DOCK3: variants seen among roughly 807,000 people sequenced by gnomAD.
The protein encoded by DOCK3 is dedicator of cytokinesis 3.
Under a neutral mutation model 265.6 loss-of-function variants are expected in DOCK3, and 60 were observed. That is an observed-to-expected ratio of 0.23 (90% confidence interval 0.18 to 0.28). DOCK3 has a LOEUF of 0.28. Ranked by LOEUF, DOCK3 falls within the 10% of genes least tolerant of loss-of-function variation. The pLI is 1.00. For missense variants in DOCK3, 1,981 were observed against 2,594.3 expected, an observed-to-expected ratio of 0.76 and a Z score of 5.14; for synonymous variants, 881 against 938.0, an observed-to-expected ratio of 0.94 and a Z score of 1.11.
At chr3:50,759,855 TAAA>T (rs55757525) in intron 1 of DOCK3, among the ~76,000 whole-genome samples, 749 of 144,610 alleles carry the variant, frequency 5.2e-3, no homozygotes, top group East Asian at 7.8e-3. Context: ...GAGATATTAT[TAAA>T]AAAAAAAAAA....
At chr3:50,715,396 C>T in intron 1 of DOCK3, among the ~76,000 whole-genome samples, 1 of 151,784 alleles carries the variant, frequency 6.6e-6, no homozygotes, top group African/African-American at 2.4e-5. Flanking sequence ...ACAGAAAATA[C>T]AAAAATTAGC....
intron 27 of DOCK3, among the ~76,000 whole-genome samples, chr3:51,304,916 C>T (rs1043136894): frequency 3.9e-5 from 6 of 152,186 alleles, no homozygotes; most frequent in Non-Finnish European, 7.3e-5. Flanking sequence ...CATCCTCACC[C>T]CTCTGATTTT....
rs557321250 is a variant in DOCK3 at position 51,207,950 on chromosome 3, G to A, written c.1038-824G>A. On this transcript the variant is annotated intron_variant, in intron 12 of 52. Coordinates refer to ENST00000266037, the MANE Select transcript of DOCK3 (RefSeq NM_004947.5). ...ATCTTTTTCCAATTGTTTTATCAAGGTGTCTGTACTAGGATAAGGAATTCC... is the reference window on the plus strand; with the variant it reads ...ATCTTTTTCCAATTGTTTTATCAAGATGTCTGTACTAGGATAAGGAATTCC... 2.0e-5 allele frequency among the ~76,000 whole-genome samples: 3 copies of A among 152,264 alleles called. No individual in the cohort carries two copies. In the East Asian group the frequency reaches 5.8e-4, roughly 29 times the overall value.
chr3:50,811,839 G>C (rs1032799718), intron 2 of DOCK3, among the ~76,000 whole-genome samples: 1 of 152,174 alleles, frequency 6.6e-6, no homozygotes, highest in Admixed American at 6.5e-5. Context: ...AATTGGAATA[G>C]AGAATATTTA....
intron 2 of DOCK3, among the ~76,000 whole-genome samples, chr3:50,797,515 T>C (rs1468752545): frequency 6.6e-6 from 1 of 152,206 alleles, no homozygotes; most frequent in Non-Finnish European, 1.5e-5. Flanking sequence ...GCGCAGCACC[T>C]TTCCAGCTAA....
At chr3:51,323,440 G>A (rs530589731) in intron 32 of DOCK3, among the ~76,000 whole-genome samples, 1 of 152,220 alleles carries the variant, frequency 6.6e-6, no homozygotes, top group South Asian at 2.1e-4. Flanking sequence ...TTCTAAAATT[G>A]ACCACATAAT....
At chr3:50,722,659 G>C (rs779941855) in intron 1 of DOCK3, among the ~76,000 whole-genome samples, 3 of 152,072 alleles carry the variant, frequency 2.0e-5, no homozygotes, top group Non-Finnish European at 4.4e-5. Context: ...AGATGGCCCA[G>C]GTGTTGGAAT....
At chr3:51,287,633 A>C (rs1201046232) in intron 27 of DOCK3, among the ~76,000 whole-genome samples, 1 of 152,222 alleles carries the variant, frequency 6.6e-6, no homozygotes, top group Non-Finnish European at 1.5e-5. Flanking sequence ...AAGTCAAAAA[A>C]TAACAAATGC....
chr3:51,357,699 G>T, intron 44 of DOCK3, 59 bp from the exon 45 acceptor site: 2 of 1,574,982 alleles, frequency 1.3e-6, no homozygotes, highest in Non-Finnish European at 1.7e-6. Context: ...AGTCTCCTGG[G>T]CCCCACTTAA....
At chr3:51,142,390 A>G (rs2085103710) in intron 9 of DOCK3, among the ~76,000 whole-genome samples, 1 of 152,200 alleles carries the variant, frequency 6.6e-6, no homozygotes, top group Non-Finnish European at 1.5e-5. Flanking sequence ...GTACCTTTGC[A>G]GTCAGTCCCT....
intron 2 of DOCK3, among the ~76,000 whole-genome samples, chr3:50,803,614 G>A (rs979911925): frequency 4.8e-5 from 6 of 125,258 alleles, no homozygotes; most frequent in Non-Finnish European, 7.6e-5. Context: ...GGTGGCGGCC[G>A]GGCAGAGGGG....
chr3:50,678,444 A>C (rs1347763650), intron 1 of DOCK3, among the ~76,000 whole-genome samples: 2 of 152,222 alleles, frequency 1.3e-5, no homozygotes, highest in East Asian at 3.8e-4. Flanking sequence ...AAAAACCAAG[A>C]AAATGCTTTT....
chr3:51,328,881 G>C (rs139537313), intron 32 of DOCK3, among the ~76,000 whole-genome samples: 1 of 152,216 alleles, frequency 6.6e-6, no homozygotes, highest in East Asian at 1.9e-4. Context: ...GGTCCAGTAC[G>C]GTGGCTCATG....
chr3:50,892,829 G>T (rs1290161877), intron 4 of DOCK3, among the ~76,000 whole-genome samples: 4 of 152,096 alleles, frequency 2.6e-5, no homozygotes, highest in Non-Finnish European at 5.9e-5. Context: ...AAAGTGGAGG[G>T]CAGGCAACTG....
chr3:51,246,639 C>T, intron 21 of DOCK3, 87 bp from the exon 22 acceptor site: 1 of 1,205,010 alleles, frequency 8.3e-7, no homozygotes, highest in Non-Finnish European at 1.2e-6. Flanking sequence ...ATATTATTTC[C>T]TATTTGCCTA....
At chr3:51,065,000 C>T (rs1437028695) in intron 6 of DOCK3, among the ~76,000 whole-genome samples, 1 of 152,114 alleles carries the variant, frequency 6.6e-6, no homozygotes, top group African/African-American at 2.4e-5. Context: ...TCTGAATGAG[C>T]ATAACCTACA....
chr3:50,683,139 C>T (rs1028016102), intron 1 of DOCK3, among the ~76,000 whole-genome samples: 2 of 152,300 alleles, frequency 1.3e-5, no homozygotes, highest in Admixed American at 6.5e-5. Context: ...ATTGCTCATA[C>T]TGAATTTATA....
At chr3:51,333,097 C>T in intron 34 of DOCK3, 61 bp from the exon 35 acceptor site, 1 of 1,613,702 alleles carries the variant, frequency 6.2e-7, no homozygotes, top group Non-Finnish European at 8.5e-7. Flanking sequence ...TTGGACTTCA[C>T]TCTTGTGCCC....
chr3:50,853,415 A>G (rs1481832487), intron 3 of DOCK3, among the ~76,000 whole-genome samples: 1 of 152,106 alleles, frequency 6.6e-6, no homozygotes, highest in African/African-American at 2.4e-5. Context: ...TCATCCAAAT[A>G]ATGAACATAG....
Sources: allele counts gnomAD v4.1 joint callset (sites outside exome capture counted in the v4.1 genomes callset), GRCh38; gene constraint gnomAD v4.1.1; transcripts MANE v1.5; gene names NCBI Gene and HGNC (gene_info 2026-07-23, HGNC 2026-07-21).